ACOXL: variants seen among roughly 807,000 people sequenced by gnomAD.
The protein encoded by ACOXL is acyl-CoA oxidase like, also known as acyl-coenzyme A oxidase-like protein.
A neutral mutation model predicts 71.9 loss-of-function variants in ACOXL; 70 were observed. That is an observed-to-expected ratio of 0.97 (90% CI 0.80 to 1.19). ACOXL has a LOEUF of 1.19. Among genes scored for constraint, ACOXL ranks in the 50% most tolerant of loss-of-function variants. ACOXL has a pLI of 0.00. For synonymous variants in ACOXL, 253 were observed against 281.6 expected, an observed-to-expected ratio of 0.90 and a Z score of 1.02; for missense variants, 703 against 736.3, an observed-to-expected ratio of 0.95 and a Z score of 0.52.
intron 14 of ACOXL, among the ~76,000 whole-genome samples, chr2:111,003,803 G>A (rs138711017): frequency 0.011 from 1,687 of 152,164 alleles, 117 homozygotes; most frequent in Admixed American, 0.098. Flanking sequence ...TATTCATTAA[G>A]CACAGATAGT....
chr2:111,093,810 G>A (rs1400284219), intron 17 of ACOXL: 3 of 328,194 alleles, frequency 9.1e-6, no homozygotes, highest in South Asian at 5.9e-5. Context: ...GTTGCAGTGA[G>A]CAGAGATTGC....
At chr2:111,099,151 G>T in intron 17 of ACOXL, 1 of 152,340 alleles carries the variant, frequency 6.6e-6, no homozygotes, top group Non-Finnish European at 1.5e-5. Flanking sequence ...GAGTTCATAT[G>T]CTTCTCCAAA....
chr2:111,017,313 G>C (rs1482677836), intron 14 of ACOXL, among the ~76,000 whole-genome samples: 2 of 152,210 alleles, frequency 1.3e-5, no homozygotes, highest in African/African-American at 4.8e-5. Context: ...CCATAGCGAG[G>C]AACTGTTCAG....
intron 11 of ACOXL, among the ~76,000 whole-genome samples, chr2:110,915,057 A>G (rs1255754114): frequency 1.3e-5 from 2 of 151,182 alleles, no homozygotes; most frequent in Non-Finnish European, 2.9e-5. Flanking sequence ...ATTACTGACT[A>G]TAGTCACCCT....
chr2:111,010,076 A>G (rs944220944), intron 14 of ACOXL, among the ~76,000 whole-genome samples: 24 of 152,336 alleles, frequency 1.6e-4, no homozygotes, highest in African/African-American at 5.8e-4. Flanking sequence ...ATTATCAGGC[A>G]TGGGAAGAAA....
chr2:111,065,449 A>G (rs1394230915), intron 16 of ACOXL, among the ~76,000 whole-genome samples: 1 of 152,248 alleles, frequency 6.6e-6, no homozygotes, highest in Admixed American at 6.5e-5. Context: ...TTTGGCAACT[A>G]TGGTTAGACG....
At chr2:110,779,285 G>T (rs114491302) in intron 2 of ACOXL, among the ~76,000 whole-genome samples, 580 of 152,310 alleles carry the variant, frequency 3.8e-3, no homozygotes, top group Non-Finnish European at 6.0e-3. Context: ...CTACTATGTG[G>T]CCCCTGGAAC....
intron 9 of ACOXL, among the ~76,000 whole-genome samples, chr2:110,811,320 G>T (rs562849576): frequency 3.5e-4 from 53 of 152,274 alleles, no homozygotes; most frequent in South Asian, 2.3e-3. Flanking sequence ...CACGGTGGGG[G>T]GTCAGTGTGG....
At chr2:111,004,507 G>C (rs866520957) in intron 14 of ACOXL, among the ~76,000 whole-genome samples, 48 of 152,242 alleles carry the variant, frequency 3.2e-4, no homozygotes, top group African/African-American at 1.1e-3. Flanking sequence ...AATGGAGCCA[G>C]GAAATGCCCT....
At chr2:110,954,373 A>G (rs1261194793) in intron 12 of ACOXL, among the ~76,000 whole-genome samples, 1 of 152,054 alleles carries the variant, frequency 6.6e-6, no homozygotes, top group Non-Finnish European at 1.5e-5. Context: ...TATGTTTTCC[A>G]TCTCTTATTT....
At chr2:110,846,636 T>TAAACGC (rs1553562176) in intron 10 of ACOXL, among the ~76,000 whole-genome samples, 130 of 44,876 alleles carry the variant, frequency 2.9e-3, no homozygotes, top group African/African-American at 8.6e-3. Context: ...CAAGTATGCA[T>TAAACGC]ACACGCACAC....
chr2:110,961,745 C>T (rs930819421), intron 12 of ACOXL, among the ~76,000 whole-genome samples: 3 of 152,212 alleles, frequency 2.0e-5, no homozygotes, highest in Non-Finnish European at 2.9e-5. Context: ...CACAGTTCCA[C>T]ATGGCTGGAG....
intron 14 of ACOXL, among the ~76,000 whole-genome samples, chr2:110,997,217 C>A (rs1248540270): frequency 6.6e-6 from 1 of 152,094 alleles, no homozygotes. Flanking sequence ...AAAACAGAAG[C>A]AGAGTGAAAT....
chr2:110,890,664 A>T (rs771507352), intron 10 of ACOXL, among the ~76,000 whole-genome samples: 2 of 152,172 alleles, frequency 1.3e-5, no homozygotes, highest in Non-Finnish European at 2.9e-5. Context: ...TATTCCATTG[A>T]TCTATATGTC....
chr2:111,035,431 G>C (rs35761487), intron 15 of ACOXL, among the ~76,000 whole-genome samples: 17,196 of 152,196 alleles, frequency 0.11, 1,064 homozygotes, highest in East Asian at 0.23. Context: ...CCTTGGTGCT[G>C]TCTGAACCCC....
At chr2:110,950,416 C>T (rs1023363673) in intron 12 of ACOXL, among the ~76,000 whole-genome samples, 10 of 152,256 alleles carry the variant, frequency 6.6e-5, no homozygotes, top group Non-Finnish European at 1.3e-4. Flanking sequence ...TGGCAACATT[C>T]CTTTGAGGGT....
chr2:111,027,097 A>C (rs1424421442), intron 14 of ACOXL, among the ~76,000 whole-genome samples: 1 of 151,750 alleles, frequency 6.6e-6, no homozygotes, highest in African/African-American at 2.4e-5. Flanking sequence ...GGGTTTCACC[A>C]TGTTGCCCAG....
At chr2:111,081,207 A>C (rs1408732725) in intron 16 of ACOXL, among the ~76,000 whole-genome samples, 3 of 152,212 alleles carry the variant, frequency 2.0e-5, no homozygotes, top group African/African-American at 7.2e-5. Flanking sequence ...AGGATATTCA[A>C]ATAGGAAGAG....
At chr2:111,093,791 G>T (rs1281864285) in intron 17 of ACOXL, 5 of 369,480 alleles carry the variant, frequency 1.4e-5, no homozygotes, top group African/African-American at 1.0e-4. Context: ...TTGAGCCCTG[G>T]AGTTGGAGGT....
Sources: gnomAD v4.1 joint callset for allele counts (sites outside exome capture counted in the v4.1 genomes callset) on GRCh38, gnomAD v4.1.1 for gene constraint, MANE v1.5 for transcripts, NCBI Gene and HGNC (gene_info 2026-07-23, HGNC 2026-07-21) for gene names.